Variants in DLGAP2 observed in about 807,000 individuals in gnomAD.
DLGAP2 encodes disks large-associated protein 2.
Under a neutral mutation model 100.3 loss-of-function variants are expected in DLGAP2, and 26 were observed. The ratio of observed to expected loss-of-function variants is 0.26; its 90% CI spans 0.19 to 0.36. The LOEUF is 0.36. Among genes scored for constraint, DLGAP2 ranks in the 10% least tolerant of loss-of-function variants. DLGAP2 has a pLI of 1.00. For missense variants in DLGAP2, 1,858 were observed against 1,453.2 expected (o/e 1.28, Z -4.53); for synonymous variants, 886 against 630.1 (o/e 1.41, Z -6.08).
intron 2 of DLGAP2, among the ~76,000 whole-genome samples, chr8:1,104,173 C>T (rs1010293515): frequency 6.6e-6 from 1 of 152,158 alleles, no homozygotes; most frequent in East Asian, 1.9e-4. Context: ...ATGGATGATT[C>T]AGGAGCAAGA....
intron 3 of DLGAP2, among the ~76,000 whole-genome samples, chr8:1,311,896 A>G (rs1209261237): frequency 1.3e-5 from 2 of 152,220 alleles, no homozygotes; most frequent in Non-Finnish European, 2.9e-5. Flanking sequence ...GTCAAAATAC[A>G]TAAGGCAAAG....
chr8:1,361,714 G>A (rs1801986202), intron 3 of DLGAP2, among the ~76,000 whole-genome samples: 2 of 152,214 alleles, frequency 1.3e-5, no homozygotes, highest in African/African-American at 2.4e-5. Context: ...GGCCCTACAC[G>A]GTAACTGAGC....
intron 3 of DLGAP2, among the ~76,000 whole-genome samples, chr8:1,333,371 G>C (rs1801201489): frequency 6.6e-6 from 1 of 152,154 alleles, no homozygotes; most frequent in South Asian, 2.1e-4. Flanking sequence ...AGCAGAGGTT[G>C]AAGAGGTTTT....
intron 4 of DLGAP2, among the ~76,000 whole-genome samples, chr8:1,524,318 CACCGGTGCTG>C (rs1414717416): frequency 2.0e-5 from 3 of 152,278 alleles, no homozygotes; most frequent in Non-Finnish European, 2.9e-5. Flanking sequence ...CACAGACCCT[CACCGGTGCTG>C]ACTGGGAGGA....
intron 2 of DLGAP2, among the ~76,000 whole-genome samples, chr8:1,037,829 C>T (rs537644452): frequency 6.6e-6 from 1 of 152,292 alleles, no homozygotes; most frequent in South Asian, 2.1e-4. Context: ...GTCAGAATCA[C>T]CCTGGGAAAG....
intron 1 of DLGAP2, chr8:891,231 C>A (rs142673790): frequency 6.6e-6 from 1 of 152,514 alleles, no homozygotes; most frequent in African/African-American, 2.4e-5. Context: ...CGTGTGGCGA[C>A]CAGGACCAGG....
At chr8:1,331,071 C>T (rs756037323) in intron 3 of DLGAP2, among the ~76,000 whole-genome samples, 6 of 152,172 alleles carry the variant, frequency 3.9e-5, no homozygotes, top group East Asian at 1.9e-4. Flanking sequence ...CCAGGGAGGA[C>T]GGGCTGCTCC....
At chr8:833,706 A>G (rs987877774) in intron 1 of DLGAP2, among the ~76,000 whole-genome samples, 8 of 152,098 alleles carry the variant, frequency 5.3e-5, no homozygotes, top group African/African-American at 1.4e-4. Flanking sequence ...CACAGTGTAG[A>G]CTTCTTTGGG....
intron 2 of DLGAP2, among the ~76,000 whole-genome samples, chr8:1,132,478 T>G (rs1434521454): frequency 6.6e-6 from 1 of 152,246 alleles, no homozygotes. Context: ...ATTAAAAGAC[T>G]GATCTGCAGC....
intron 6 of DLGAP2, among the ~76,000 whole-genome samples, chr8:1,625,425 A>G (rs764399541): frequency 2.0e-5 from 3 of 152,244 alleles, no homozygotes; most frequent in Admixed American, 6.5e-5. Context: ...ACATTTCACA[A>G]AACGGCGAGA....
At position 1,275,683 on chromosome 8, in the gene DLGAP2, C is replaced by G. The variant is rs1383599562; in HGVS notation, c.106+16800C>G. 2.1e-5 allele frequency among the ~76,000 whole-genome samples: 3 copies of G among 143,132 alleles called. No individual in the cohort carries two copies. The East Asian group carries it at 6.0e-4, about 29-fold the overall frequency. The allele number at this position is 143,132 out of a possible 152,430, so 93.9% of individuals were successfully genotyped here. On this transcript the variant is annotated intron_variant, in intron 3 of 14. Coordinates refer to ENST00000637795, the MANE Select transcript of DLGAP2 (RefSeq NM_001346810.2). The stretch of plus-strand genomic sequence containing the variant: ...TCTGGAACTTTGTCCCTGTATGAGT[C>G]ATGGTTCTCTAGAGGGACAGAGCTA...
chr8:1,345,052 A>G (rs1404716859), intron 3 of DLGAP2, among the ~76,000 whole-genome samples: 6 of 152,212 alleles, frequency 3.9e-5, no homozygotes, highest in Non-Finnish European at 7.3e-5. Context: ...ATCATTTGAA[A>G]GCTCAGTTAT....
At chr8:1,124,801 T>C (rs997554360) in intron 2 of DLGAP2, among the ~76,000 whole-genome samples, 11 of 152,186 alleles carry the variant, frequency 7.2e-5, no homozygotes, top group African/African-American at 2.7e-4. Flanking sequence ...CATCAAATCA[T>C]CTCGTTTTAG....
At chr8:1,501,312 C>T (rs1799713514) in intron 3 of DLGAP2, 54 bp from the exon 4 acceptor site, 1 of 1,517,948 alleles carries the variant, frequency 6.6e-7, no homozygotes. Flanking sequence ...CAGGGAATGA[C>T]TGCAGTCTAC....
chr8:1,048,325 A>G (rs891938841), intron 2 of DLGAP2, among the ~76,000 whole-genome samples: 1 of 152,134 alleles, frequency 6.6e-6, no homozygotes, highest in Non-Finnish European at 1.5e-5. Context: ...AAGTAAATCA[A>G]GGTGAAATGT....
In DLGAP2 at chr8:1,226,022, A is replaced by C. The variant is rs972171408; in HGVS notation, c.74-32829A>C. ...TTTCATTTCTCATAGGTATATATGC[A>C]TATATATGGTATATATGGAAGAGGA... On this transcript the variant is annotated intron_variant, in intron 2 of 14. Coordinates refer to ENST00000637795, the MANE Select transcript of DLGAP2 (RefSeq NM_001346810.2). Among the ~76,000 whole-genome samples the C allele has an allele frequency of 1.3e-5, 2 of 152,164 alleles. 1 individual carries two copies. Among genetic ancestry groups the C allele is most frequent in the South Asian group, 4.1e-4 (2 of 4,826 alleles).
At chr8:905,526 G>A (rs1008786080) in intron 1 of DLGAP2, among the ~76,000 whole-genome samples, 1 of 152,176 alleles carries the variant, frequency 6.6e-6, no homozygotes, top group African/African-American at 2.4e-5. Flanking sequence ...TGTGTCATGC[G>A]TGAGGTCTGA....
intron 1 of DLGAP2, among the ~76,000 whole-genome samples, chr8:818,329 C>G (rs1359874910): frequency 6.6e-6 from 1 of 152,152 alleles, no homozygotes; most frequent in African/African-American, 2.4e-5. Context: ...AGCCCGCTGT[C>G]CTAAAGGTTG....
rs529317463 is a variant in DLGAP2 at position 1,360,249 on chromosome 8, G to A, written c.106+101366G>A. ...GCTTCTCCGGGGCGGGGCTTCTCCG[G>A]GGCGGGGCTTCTCCGGGGCGGGGCT... On this transcript the variant is annotated intron_variant, in intron 3 of 14. Coordinates refer to ENST00000637795, the MANE Select transcript of DLGAP2 (RefSeq NM_001346810.2). 3.8e-3 allele frequency among the ~76,000 whole-genome samples: 470 copies of A among 125,026 alleles called. 2 individuals carry two copies. Among genetic ancestry groups the A allele is most frequent in the Middle Eastern group, 0.015 (3 of 202 alleles). 82.0% of individuals were successfully genotyped at this position (125,026 alleles called of 152,430 possible).
Sources: allele counts gnomAD v4.1 joint callset (sites outside exome capture counted in the v4.1 genomes callset), GRCh38; gene constraint gnomAD v4.1.1; transcripts MANE v1.5; gene names NCBI Gene and HGNC (gene_info 2026-07-23, HGNC 2026-07-21).